ZFP2: variants seen among roughly 807,000 people sequenced by gnomAD.
ZFP2 encodes zinc finger protein ZFP2.
Under a neutral mutation model 36.1 loss-of-function variants are expected in ZFP2, and 33 were observed. The observed-to-expected ratio is 0.92, with a 90% CI of 0.69 to 1.22. The LOEUF (loss-of-function observed/expected upper bound fraction) is 1.22, where lower values mean the gene tolerates loss of function less well. ZFP2 is among the 50% of genes most tolerant of loss of function. The pLI is 0.00. For missense variants in ZFP2, 522 were observed against 551.4 expected, an observed-to-expected ratio of 0.95 and a Z score of 0.53; for synonymous variants, 170 against 178.0, an observed-to-expected ratio of 0.96 and a Z score of 0.36.
intron 3 of ZFP2, among the ~76,000 whole-genome samples, chr5:178,916,037 G>A (rs4700927): frequency 0.36 from 55,115 of 151,984 alleles, 10,226 homozygotes; most frequent in East Asian, 0.49. Context: ...GAATGAATGA[G>A]TGGGCAGGGC....
chr5:178,916,874 A>G (rs899062564), intron 4 of ZFP2, among the ~76,000 whole-genome samples, 164 bp downstream of exon 4: 3 of 152,194 alleles, frequency 2.0e-5, no homozygotes, highest in Admixed American at 6.5e-5. Flanking sequence ...ATTTCCTAGT[A>G]TATTTAGTAA....
chr5:178,900,802 G>A (rs911925407), intron 1 of ZFP2, among the ~76,000 whole-genome samples: 8 of 124,318 alleles, frequency 6.4e-5, no homozygotes, highest in African/African-American at 2.2e-4. Context: ...TCTACTCCAC[G>A]TCCCCCACCC....
At position 178,912,982 on chromosome 5, in the gene ZFP2, G is replaced by C. The variant is rs1477794854; in HGVS notation, c.-313G>C. The C allele has an allele frequency of 1.0e-6, 1 of 985,858 alleles. No homozygotes were observed. The highest frequency in any genetic ancestry group is 1.2e-6 in the Non-Finnish European group (1 of 829,932). 61.1% of individuals were successfully genotyped at this position (985,858 alleles called of 1,614,324 possible). On this transcript the variant is annotated splice_region_variant and 5_prime_UTR_variant, in exon 3 of 5. Coordinates refer to ENST00000361362, the MANE Select transcript of ZFP2 (RefSeq NM_030613.4). ...ATTTAATGTCTCTCCTCTTAAGCAG[G>C]AAATCACCTTTCCAAACCCAATGGG...
In ZFP2 at chr5:178,931,238, C is replaced by G. The variant is rs1758827774; in HGVS notation, c.-76C>G. 6.7e-7 allele frequency: 1 copy of G among 1,500,670 alleles called. No homozygotes were observed. The highest frequency in any genetic ancestry group is 8.9e-7 in the Non-Finnish European group (1 of 1,128,828). 93.0% of individuals were successfully genotyped at this position (1,500,670 alleles called of 1,614,324 possible). A position where few individuals can be genotyped will look rare whatever the true frequency, so the allele number is the denominator to read the frequency against. On this transcript the variant is annotated splice_region_variant and 5_prime_UTR_variant, in exon 5 of 5. Transcript: ENST00000361362. ...ATTTGAATTTTTTTTTTTTTTCAGA[C>G]TGGGAGACAAGACTTGAAACCAAAG...
At chr5:178,919,847 G>C (rs1758516801) in intron 4 of ZFP2, among the ~76,000 whole-genome samples, 1 of 152,040 alleles carries the variant, frequency 6.6e-6, no homozygotes, top group African/African-American at 2.4e-5. Context: ...TGTAGTCCCA[G>C]CTACTTGGGA....
At chr5:178,897,964 A>G (rs566614001) in intron 1 of ZFP2, among the ~76,000 whole-genome samples, 3 of 152,302 alleles carry the variant, frequency 2.0e-5, no homozygotes, top group African/African-American at 7.2e-5. Context: ...GTAACACACA[A>G]CTTAAATATT....
chr5:178,898,349 A>G (rs898100505), intron 1 of ZFP2, among the ~76,000 whole-genome samples: 6 of 152,256 alleles, frequency 3.9e-5, no homozygotes, highest in Non-Finnish European at 8.8e-5. Context: ...AAGTTTATGA[A>G]TTAAAGAAAT....
At chr5:178,906,810 AG>A (rs1331379241) in intron 1 of ZFP2, among the ~76,000 whole-genome samples, 7 of 151,292 alleles carry the variant, frequency 4.6e-5, no homozygotes, top group African/African-American at 1.7e-4. Flanking sequence ...CACCCACCTC[AG>A]CCTCCGAAAG....
chr5:178,902,891 A>G (rs889718367), intron 1 of ZFP2, among the ~76,000 whole-genome samples: 4 of 152,182 alleles, frequency 2.6e-5, no homozygotes, highest in Non-Finnish European at 5.9e-5. Context: ...GCATTTCACA[A>G]TATATCTTGG....
chr5:178,922,552 T>G, intron 4 of ZFP2: 1 of 1,461,906 alleles, frequency 6.8e-7, no homozygotes, highest in South Asian at 1.1e-5. Flanking sequence ...TGTCTAGTTT[T>G]GTAGGAGCAT....
At chr5:178,915,832 G>A (rs1758420873) in intron 3 of ZFP2, 1 of 152,120 alleles carries the variant, frequency 6.6e-6, no homozygotes, top group Non-Finnish European at 1.5e-5. Context: ...CCACTAATAT[G>A]TAGGCTCACC....
intron 4 of ZFP2, among the ~76,000 whole-genome samples, chr5:178,929,948 G>T (rs998336904): frequency 1.3e-5 from 2 of 150,382 alleles, no homozygotes; most frequent in African/African-American, 4.8e-5. Flanking sequence ...ACGGTGGGGG[G>T]GGGGGCTCAG....
chr5:178,909,688 T>C, intron 1 of ZFP2: 1 of 1,477,298 alleles, frequency 6.8e-7, no homozygotes, highest in South Asian at 1.6e-5. Flanking sequence ...TCCTTGCTGC[T>C]GCTCCTGGGA....
intron 3 of ZFP2, among the ~76,000 whole-genome samples, chr5:178,914,868 A>T (rs773758143): frequency 6.6e-6 from 1 of 152,214 alleles, no homozygotes; most frequent in Non-Finnish European, 1.5e-5. Flanking sequence ...GGACATAGGG[A>T]ACAGCAGGTG....
Position 178,931,992 on chromosome 5 carries a change from A to G in ZFP2, c.679A>G (p.Met227Val). ...NECGKAFTQS[M>V]NLTVHQRTHT... ...ATGTGGTAAAGCTTTTACCCAAAGC[A>G]TGAATTTGACAGTTCATCAGAGAAC... The change falls in exon 5 of 5, where the codon ATG becomes GTG. Residue 227 changes from methionine to valine, a missense_variant. Coordinates refer to ENST00000361362, the MANE Select transcript of ZFP2 (RefSeq NM_030613.4). 6.2e-7 allele frequency: 1 copy of G among 1,613,878 alleles called. No individual in the cohort carries two copies. Among genetic ancestry groups the G allele is most frequent in the Non-Finnish European group, 8.5e-7 (1 of 1,179,900 alleles).
intron 1 of ZFP2, among the ~76,000 whole-genome samples, chr5:178,905,994 C>T (rs1021166347): frequency 2.6e-5 from 4 of 152,154 alleles, no homozygotes; most frequent in Non-Finnish European, 4.4e-5. Context: ...TCAAGCCATC[C>T]GCCACCTGCC....
At chr5:178,898,953 G>A (rs1757992795) in intron 1 of ZFP2, among the ~76,000 whole-genome samples, 1 of 151,816 alleles carries the variant, frequency 6.6e-6, no homozygotes, top group Non-Finnish European at 1.5e-5. Flanking sequence ...TCATAAAAGA[G>A]GGCACATCTG....
In ZFP2 at chr5:178,932,729, A is replaced by G; in HGVS notation, c.*30A>G. On this transcript the variant is annotated 3_prime_UTR_variant, in exon 5 of 5. Coordinates refer to ENST00000361362, the MANE Select transcript of ZFP2 (RefSeq NM_030613.4). ...TGTTTTCACTGGCCCTTACCTCATG[A>G]TTAACTCTTCAGTAATAATCATATG... 6.5e-7 allele frequency: 1 copy of G among 1,543,166 alleles called. No individual in the cohort carries two copies. Among genetic ancestry groups the G allele is most frequent in the South Asian group, 1.3e-5 (1 of 77,778 alleles).
At chr5:178,910,813 C>T (rs766761698) in intron 1 of ZFP2, among the ~76,000 whole-genome samples, 2 of 152,150 alleles carry the variant, frequency 1.3e-5, no homozygotes, top group Non-Finnish European at 2.9e-5. Context: ...AGGCTCCCTA[C>T]CCCTGCCGCC....
Sources: allele counts gnomAD v4.1 joint callset (sites outside exome capture counted in the v4.1 genomes callset), GRCh38; gene constraint gnomAD v4.1.1; transcripts MANE v1.5; gene names NCBI Gene and HGNC (gene_info 2026-07-23, HGNC 2026-07-21).